The following GABRG3 variants were observed in gnomAD, a reference collection of about 807,000 sequenced individuals.
GABRG3 encodes gamma-aminobutyric acid receptor subunit gamma-3.
GABRG3 carries 25 observed loss-of-function variants against 48.8 expected under a neutral mutation model. The ratio of observed to expected loss-of-function variants is 0.51; its 90% confidence interval spans 0.37 to 0.72. The LOEUF (loss-of-function observed/expected upper bound fraction) is 0.72. Among genes scored for constraint, GABRG3 ranks in the 30% least tolerant of loss-of-function variants. GABRG3 has a pLI of 0.00. For synonymous variants in GABRG3, 227 were observed against 217.6 expected (o/e 1.04, Z -0.38); for missense variants, 394 against 577.9 (o/e 0.68, Z 3.26).
intron 3 of GABRG3, among the ~76,000 whole-genome samples, chr15:27,232,241 G>C (rs141388230): frequency 6.6e-6 from 1 of 152,114 alleles, no homozygotes; most frequent in Non-Finnish European, 1.5e-5. Flanking sequence ...GTTAAAAATG[G>C]TGTTTAACCA....
At chr15:27,519,879 G>A (rs1891118096) in intron 6 of GABRG3, 93 bp from the exon 7 acceptor site, 1 of 881,262 alleles carries the variant, frequency 1.1e-6, no homozygotes, top group Non-Finnish European at 1.7e-6. Flanking sequence ...TTTTATCCAA[G>A]TCATTCACTT....
intron 3 of GABRG3, among the ~76,000 whole-genome samples, chr15:27,212,532 A>G (rs1889108882): frequency 6.6e-6 from 1 of 152,216 alleles, no homozygotes; most frequent in Non-Finnish European, 1.5e-5. Context: ...TGTCAGAATG[A>G]GATTTTAAAG....
Position 27,403,094 on chromosome 15 carries a change from A to G in GABRG3, c.574+74206A>G, listed in dbSNP as rs1422288005. On this transcript the variant is annotated intron_variant, in intron 5 of 9. Coordinates refer to ENST00000615808, the MANE Select transcript of GABRG3 (RefSeq NM_033223.5). ...GAACAGTGAACCAGAAACAATAAAC[A>G]ATAAAGAAACAGTGAACTAGAAACA... Among the ~76,000 whole-genome samples the G allele has an allele frequency of 3.9e-5, 6 of 152,210 alleles. No individual in the cohort carries two copies. The South Asian group carries it at 1.0e-3, about 26-fold the overall frequency.
At chr15:27,139,268 G>C (rs1898062837) in intron 3 of GABRG3, among the ~76,000 whole-genome samples, 1 of 152,164 alleles carries the variant, frequency 6.6e-6, no homozygotes, top group Non-Finnish European at 1.5e-5. Flanking sequence ...GCTGGTTTGG[G>C]GGGTGCAGAG....
At chr15:27,436,251 C>T (rs886678648) in intron 5 of GABRG3, among the ~76,000 whole-genome samples, 4 of 152,288 alleles carry the variant, frequency 2.6e-5, no homozygotes, top group Non-Finnish European at 5.9e-5. Context: ...AGGAAACAAG[C>T]TCTTTCTGTC....
intron 5 of GABRG3, among the ~76,000 whole-genome samples, chr15:27,421,637 T>A (rs971902302): frequency 6.6e-6 from 1 of 150,848 alleles, no homozygotes; most frequent in Non-Finnish European, 1.5e-5. Flanking sequence ...GGGAGTTGGC[T>A]GTAAATCCAC....
chr15:26,971,703 C>A (rs958198334), intron 1 of GABRG3, 115 bp downstream of exon 1: 13 of 1,226,034 alleles, frequency 1.1e-5, no homozygotes, highest in Non-Finnish European at 1.3e-5. Context: ...TGCGGCACGG[C>A]GGGCCGGGAG....
At chr15:27,068,238 G>A (rs148366976) in intron 3 of GABRG3, among the ~76,000 whole-genome samples, 6 of 152,346 alleles carry the variant, frequency 3.9e-5, no homozygotes, top group Non-Finnish European at 5.9e-5. Context: ...TGCTGGCTGC[G>A]AAGCATAACC....
At chr15:27,265,438 C>T (rs971400250) in intron 3 of GABRG3, among the ~76,000 whole-genome samples, 12 of 152,170 alleles carry the variant, frequency 7.9e-5, no homozygotes, top group African/African-American at 2.7e-4. Flanking sequence ...TATCTAAATA[C>T]TCATTTTTCC....
intron 3 of GABRG3, among the ~76,000 whole-genome samples, chr15:27,090,365 G>C (rs920922096): frequency 3.9e-5 from 6 of 152,170 alleles, no homozygotes; most frequent in Non-Finnish European, 8.8e-5. Context: ...TGGGTTATCC[G>C]TAGGTAACCC....
intron 5 of GABRG3, among the ~76,000 whole-genome samples, chr15:27,430,431 T>G (rs913028874): frequency 3.3e-5 from 5 of 152,162 alleles, no homozygotes; most frequent in African/African-American, 1.2e-4. Flanking sequence ...TTTTTTTTCC[T>G]CTTGTTTTTG....
chr15:27,157,965 C>T (rs1898476391), intron 3 of GABRG3: 2 of 152,246 alleles, frequency 1.3e-5, no homozygotes, highest in African/African-American at 4.8e-5. Flanking sequence ...GGGTGGCGTT[C>T]TTACATTCTT....
chr15:27,262,512 T>C (rs57026295), intron 3 of GABRG3, among the ~76,000 whole-genome samples: 21,696 of 152,196 alleles, frequency 0.14, 3,206 homozygotes, highest in African/African-American at 0.38. Context: ...CCTTTCTCAT[T>C]GCCGCCCCTA....
At chr15:27,471,794 C>G (rs1889794864) in intron 5 of GABRG3, among the ~76,000 whole-genome samples, 1 of 152,152 alleles carries the variant, frequency 6.6e-6, no homozygotes, top group African/African-American at 2.4e-5. Context: ...ATAAACTAAT[C>G]CCAAGAGAAG....
At position 27,526,229 on chromosome 15, in the gene GABRG3, A is replaced by G. The variant is rs946055890; in HGVS notation, c.866-1204A>G. Among the ~76,000 whole-genome samples the G allele has an allele frequency of 3.9e-5, 6 of 152,312 alleles. No individual in the cohort carries two copies. In the South Asian group the frequency reaches 1.2e-3, roughly 32 times the overall value. On this transcript the variant is annotated intron_variant, in intron 7 of 9. Coordinates refer to ENST00000615808, the MANE Select transcript of GABRG3 (RefSeq NM_033223.5). ...TACACCTCTACAAGCTGTCCACCCC[A>G]TGCTTTGAGACCCATTCTCCACCTG...
At chr15:27,069,507 A>G (rs1029488298) in intron 3 of GABRG3, among the ~76,000 whole-genome samples, 2 of 152,244 alleles carry the variant, frequency 1.3e-5, no homozygotes, top group Non-Finnish European at 2.9e-5. Context: ...CGCAGGAATC[A>G]AAACTGTGCA....
intron 2 of GABRG3, among the ~76,000 whole-genome samples, chr15:27,008,360 G>T (rs181798263): frequency 6.6e-6 from 1 of 152,172 alleles, no homozygotes; most frequent in African/African-American, 2.4e-5. Context: ...CTGAATATTT[G>T]TATTGCAGGT....
intron 2 of GABRG3, among the ~76,000 whole-genome samples, chr15:27,001,142 C>A (rs1018255589): frequency 6.6e-6 from 1 of 152,246 alleles, no homozygotes; most frequent in African/African-American, 2.4e-5. Context: ...TTTGCAGCCT[C>A]AGTGACCACC....
At chr15:27,333,664 G>A (rs1490631233) in intron 5 of GABRG3, among the ~76,000 whole-genome samples, 4 of 152,158 alleles carry the variant, frequency 2.6e-5, no homozygotes, top group Admixed American at 1.3e-4. Flanking sequence ...GCAAGTGAAC[G>A]TCCTTGCTGG....
Sources: gnomAD v4.1 joint callset for allele counts (sites outside exome capture counted in the v4.1 genomes callset) on GRCh38, gnomAD v4.1.1 for gene constraint, MANE v1.5 for transcripts, NCBI Gene and HGNC (gene_info 2026-07-23, HGNC 2026-07-21) for gene names.